DPP6: variants seen among roughly 807,000 people sequenced by gnomAD.
DPP6 encodes the protein dipeptidyl peptidase like 6, also known as A-type potassium channel modulatory protein DPP6.
DPP6 carries 69 observed loss-of-function variants against 122.6 expected under a neutral mutation model. That is an observed-to-expected ratio of 0.56 (90% CI 0.46 to 0.69). The LOEUF (loss-of-function observed/expected upper bound fraction) is 0.69, where lower values mean the gene tolerates loss of function less well. Ranked by LOEUF, DPP6 falls within the 30% of genes least tolerant of loss-of-function variation. DPP6 has a pLI of 0.00. For missense variants in DPP6, 928 were observed against 1,116.9 expected (o/e 0.83, Z 2.41); for synonymous variants, 418 against 433.1 (o/e 0.97, Z 0.43).
intron 1 of DPP6, among the ~76,000 whole-genome samples, chr7:154,247,387 T>G (rs537303414): frequency 6.6e-6 from 1 of 152,216 alleles, no homozygotes; most frequent in Non-Finnish European, 1.5e-5. Context: ...AAAGGACTTG[T>G]ATCTACAATA....
intron 12 of DPP6, among the ~76,000 whole-genome samples, chr7:154,797,442 A>G (rs1798110987): frequency 6.6e-6 from 1 of 152,224 alleles, no homozygotes; most frequent in African/African-American, 2.4e-5. Flanking sequence ...AAGAACTGAA[A>G]TAGTATTCCA....
intron 16 of DPP6, among the ~76,000 whole-genome samples, chr7:154,852,266 G>A (rs1802455341): frequency 6.6e-6 from 1 of 152,170 alleles, no homozygotes; most frequent in Admixed American, 6.5e-5. Context: ...CCCTGCCCAA[G>A]ATAGTGTGCA....
intron 1 of DPP6, among the ~76,000 whole-genome samples, chr7:154,136,322 C>T (rs1278776099): frequency 6.6e-6 from 1 of 152,084 alleles, no homozygotes; most frequent in Non-Finnish European, 1.5e-5. Context: ...CCAGGGTCAG[C>T]CTTCCCTGGT....
intron 1 of DPP6, among the ~76,000 whole-genome samples, chr7:153,900,519 T>C (rs537287940): frequency 5.3e-5 from 8 of 152,218 alleles, no homozygotes; most frequent in Admixed American, 1.3e-4. Context: ...AGAAATCACA[T>C]GGCCATAGAG....
At chr7:154,817,733 G>C (rs1390964998) in intron 16 of DPP6, among the ~76,000 whole-genome samples, 3 of 151,292 alleles carry the variant, frequency 2.0e-5, no homozygotes, top group Non-Finnish European at 4.4e-5. Flanking sequence ...GATGTCATGA[G>C]TGATTGAAGG....
chr7:154,763,336 A>AAAGG (rs771988185), intron 8 of DPP6, among the ~76,000 whole-genome samples: 1 of 145,068 alleles, frequency 6.9e-6, no homozygotes, highest in Non-Finnish European at 1.5e-5. Context: ...CATCTCAAAA[A>AAAGG]AAGGAAGGAA....
rs554095758 is a variant in DPP6 at position 154,595,950 on chromosome 7, A to T, written c.627+29034A>T. Among the ~76,000 whole-genome samples the T allele has an allele frequency of 2.6e-5, 4 of 152,264 alleles. No homozygotes were observed. The South Asian group carries it at 8.3e-4, about 32-fold the overall frequency. The stretch of plus-strand genomic sequence containing the variant: ...GTGGCAGGCACCTATAATCCCAGCT[A>T]CTCAGGAGGCTGAGGCAGGAGAATC... On this transcript the variant is annotated intron_variant, in intron 5 of 25. Transcript: ENST00000377770.
intron 1 of DPP6, among the ~76,000 whole-genome samples, chr7:153,974,674 C>G (rs112859746): frequency 5.3e-5 from 8 of 152,114 alleles, no homozygotes; most frequent in Non-Finnish European, 1.2e-4. Context: ...CCCTGAGGGT[C>G]GGTTGCAAAG....
intron 8 of DPP6, among the ~76,000 whole-genome samples, chr7:154,741,428 G>A (rs1475864398): frequency 1.3e-5 from 2 of 152,178 alleles, no homozygotes; most frequent in South Asian, 2.1e-4. Flanking sequence ...CCATCCAGTC[G>A]ATGGAAATGG....
chr7:154,239,762 C>G (rs1801453739), intron 1 of DPP6, among the ~76,000 whole-genome samples: 1 of 145,828 alleles, frequency 6.9e-6, no homozygotes, highest in Non-Finnish European at 1.5e-5. Flanking sequence ...CACTTGAAGT[C>G]AGGAGTTTGA....
chr7:154,566,455 AT>A (rs1387429450), intron 4 of DPP6, among the ~76,000 whole-genome samples: 3 of 151,268 alleles, frequency 2.0e-5, no homozygotes, highest in Non-Finnish European at 1.5e-5. Flanking sequence ...CTAATTTTGT[AT>A]TTTTTTTCTT....
intron 22 of DPP6, 37 bp from the exon 23 acceptor site, chr7:154,887,639 A>T: frequency 6.2e-7 from 1 of 1,612,192 alleles, no homozygotes; most frequent in Non-Finnish European, 8.5e-7. Context: ...AGGGCCTCGA[A>T]GCCAGAGGTA....
chr7:154,644,442 C>T (rs553907359), intron 6 of DPP6, among the ~76,000 whole-genome samples: 20 of 152,186 alleles, frequency 1.3e-4, no homozygotes, highest in Non-Finnish European at 2.2e-4. Flanking sequence ...AGAGGTCTCT[C>T]TACCATGAGT....
At chr7:154,448,329 A>G (rs1820062326) in intron 2 of DPP6, among the ~76,000 whole-genome samples, 1 of 152,204 alleles carries the variant, frequency 6.6e-6, no homozygotes, top group South Asian at 2.1e-4. Context: ...TCCACTTAAA[A>G]TAGTTTCAAA....
At chr7:154,620,619 C>G (rs1834580187) in intron 5 of DPP6, among the ~76,000 whole-genome samples, 1 of 152,202 alleles carries the variant, frequency 6.6e-6, no homozygotes, top group Non-Finnish European at 1.5e-5. Context: ...GGTGTTTTCA[C>G]TCTGAATGAG....
the DPP6 span, among the ~76,000 whole-genome samples, chr7:153,836,139 G>A: frequency 6.6e-6 from 1 of 152,126 alleles, no homozygotes; most frequent in Non-Finnish European, 1.5e-5. Flanking sequence ...ACATTTATAC[G>A]TGCACACTCA....
chr7:154,469,813 C>CAAT (rs1563721112), intron 2 of DPP6, among the ~76,000 whole-genome samples: 1 of 152,218 alleles, frequency 6.6e-6, no homozygotes, highest in South Asian at 2.1e-4. Context: ...GGCACTCAAT[C>CAAT]AATAAATATG....
chr7:154,833,044 C>G lies in DPP6; in HGVS notation c.1667-20736C>G, dbSNP rs866095035. 3.3e-5 allele frequency among the ~76,000 whole-genome samples: 5 copies of G among 152,154 alleles called. No individual in the cohort carries two copies. The highest frequency in any genetic ancestry group is 1.2e-4 in the African/African-American group (5 of 41,436). On this transcript the variant is annotated intron_variant, in intron 16 of 25. Coordinates refer to ENST00000377770, the MANE Select transcript of DPP6 (RefSeq NM_130797.4). The surrounding 1 kb of genome is among the most constrained non-coding windows in gnomAD (Gnocchi z 4.3). ...GGACAGAGGCCCTGCCCTCAAGTAG[C>G]CTGAAGTCTAGGAAAATGAATCCCA...
rs566556133 is a variant in DPP6, at chr7:154,122,162, A to G, written c.243+69099A>G. On this transcript the variant is annotated intron_variant, in intron 1 of 25. Transcript: ENST00000377770. Reference sequence around the variant, plus strand: ...TGTGAAAGTTGGTTTGACAGTAATTACCTTATGGGAGCCCAAAGTTATGAA... The same window carrying G: ...TGTGAAAGTTGGTTTGACAGTAATTGCCTTATGGGAGCCCAAAGTTATGAA... 7.2e-5 allele frequency among the ~76,000 whole-genome samples: 11 copies of G among 152,334 alleles called. No individual in the cohort carries two copies. In the East Asian group the frequency reaches 2.1e-3, roughly 29 times the overall value.
Sources: allele counts gnomAD v4.1 joint callset (sites outside exome capture counted in the v4.1 genomes callset), GRCh38; gene constraint gnomAD v4.1.1; non-coding constraint Gnocchi (gnomAD v3.1); transcripts MANE v1.5; gene names NCBI Gene and HGNC (gene_info 2026-07-23, HGNC 2026-07-21).